Variants in LINGO2 observed in about 807,000 individuals in gnomAD.
The protein encoded by LINGO2 is leucine rich repeat and Ig domain containing 2, also known as leucine-rich repeat and immunoglobulin-like domain-containing nogo receptor-interacting protein 2.
Under a neutral mutation model 30.6 loss-of-function variants are expected in LINGO2, and 14 were observed. The ratio of observed to expected loss-of-function variants is 0.46; its 90% CI spans 0.30 to 0.72. The LOEUF is 0.72. LINGO2 is among the 30% of genes least tolerant of loss of function. The pLI, the probability that LINGO2 is intolerant of heterozygous loss-of-function variation, is 0.07. For missense variants in LINGO2, 729 were observed against 751.7 expected, an observed-to-expected ratio of 0.97 and a Z score of 0.35; for synonymous variants, 317 against 288.5, an observed-to-expected ratio of 1.10 and a Z score of -1.00.
the LINGO2 span, among the ~76,000 whole-genome samples, chr9:29,193,870 G>A: frequency 2.6e-5 from 4 of 152,308 alleles, no homozygotes; most frequent in South Asian, 8.3e-4. Flanking sequence ...ATGCACCCAT[G>A]CATCCACTGA....
chr9:28,367,462 A>T (rs1289346872), intron 3 of LINGO2, among the ~76,000 whole-genome samples: 4 of 151,758 alleles, frequency 2.6e-5, no homozygotes, highest in African/African-American at 7.3e-5. Context: ...AACTTCACTG[A>T]TAACCTGGGA....
the LINGO2 span, among the ~76,000 whole-genome samples, chr9:28,947,642 T>A: frequency 2.0e-5 from 3 of 149,846 alleles, no homozygotes; most frequent in African/African-American, 7.3e-5. Context: ...CAAAATTCCA[T>A]ATTTTTTATG....
At chr9:28,185,995 G>C (rs1376566622) in intron 4 of LINGO2, among the ~76,000 whole-genome samples, 1 of 152,118 alleles carries the variant, frequency 6.6e-6, no homozygotes, top group African/African-American at 2.4e-5. Context: ...CCCGAGAACA[G>C]AGGCTTATTA....
At chr9:29,048,229 T>C in the LINGO2 span, among the ~76,000 whole-genome samples, 3 of 151,602 alleles carry the variant, frequency 2.0e-5, no homozygotes, top group African/African-American at 7.3e-5. Context: ...TAGCCACACA[T>C]AAAATTAAAT....
chr9:28,090,826 G>T lies in LINGO2; in HGVS notation c.-86-78421C>A, dbSNP rs1182968695. 3.3e-5 allele frequency among the ~76,000 whole-genome samples: 5 copies of T among 152,194 alleles called. No homozygotes were observed. In the East Asian group the frequency reaches 9.6e-4, roughly 29 times the overall value. On this transcript the variant is annotated intron_variant, in intron 4 of 5. Transcript: ENST00000379992. ...TATATCAGAAAACCCCATCGTCTTA[G>T]CTCAAAATCTTGTTAAGTTGATAGG...
chr9:29,165,194 A>G, the LINGO2 span, among the ~76,000 whole-genome samples: 1 of 152,170 alleles, frequency 6.6e-6, no homozygotes, highest in Non-Finnish European at 1.5e-5. Context: ...CATCTGTATC[A>G]ATAGACATCA....
At chr9:28,647,746 A>G (rs1827902828) in intron 1 of LINGO2, among the ~76,000 whole-genome samples, 1 of 152,040 alleles carries the variant, frequency 6.6e-6, no homozygotes, top group Non-Finnish European at 1.5e-5. Context: ...TGCTTCTCCT[A>G]ACTTCACAAT....
At chr9:28,943,965 C>T in the LINGO2 span, among the ~76,000 whole-genome samples, 4 of 152,174 alleles carry the variant, frequency 2.6e-5, no homozygotes, top group African/African-American at 4.8e-5. Flanking sequence ...TGCATGAGTT[C>T]ATTAGGACAT....
At chr9:29,010,542 C>T in the LINGO2 span, among the ~76,000 whole-genome samples, 1 of 152,144 alleles carries the variant, frequency 6.6e-6, no homozygotes, top group African/African-American at 2.4e-5. Context: ...TTCTTAAATG[C>T]ACATGTATTC....
chr9:28,595,998 C>G (rs182670666), intron 1 of LINGO2, among the ~76,000 whole-genome samples: 49 of 152,202 alleles, frequency 3.2e-4, no homozygotes, highest in Admixed American at 9.8e-4. Flanking sequence ...TGCACAAATG[C>G]ACACTGTGAA....
At chr9:28,848,770 C>T in the LINGO2 span, among the ~76,000 whole-genome samples, 1 of 151,680 alleles carries the variant, frequency 6.6e-6, no homozygotes. Flanking sequence ...ATTTTTATCT[C>T]AATATTGTAA....
intron 1 of LINGO2, among the ~76,000 whole-genome samples, chr9:28,519,548 T>C (rs1820752885): frequency 1.3e-5 from 2 of 152,222 alleles, no homozygotes; most frequent in South Asian, 2.1e-4. Flanking sequence ...TGTACTGTGG[T>C]TGCTACCATC....
intron 3 of LINGO2, among the ~76,000 whole-genome samples, chr9:28,299,513 C>T (rs556499692): frequency 6.6e-6 from 1 of 151,972 alleles, no homozygotes; most frequent in South Asian, 2.1e-4. Flanking sequence ...AGGCAGAGGT[C>T]ATTAACAACT....
chr9:28,844,419 A>G, the LINGO2 span, among the ~76,000 whole-genome samples: 83 of 152,042 alleles, frequency 5.5e-4, 1 homozygote, highest in African/African-American at 1.9e-3. Context: ...GATGTAATCC[A>G]ATATGAGCAC....
intron 4 of LINGO2, among the ~76,000 whole-genome samples, chr9:28,119,883 T>C (rs1243475885): frequency 6.6e-6 from 1 of 152,182 alleles, no homozygotes; most frequent in African/African-American, 2.4e-5. Flanking sequence ...AGATTTCAAG[T>C]CAAATTTGAA....
At chr9:28,200,512 A>T (rs962692135) in intron 4 of LINGO2, among the ~76,000 whole-genome samples, 1 of 152,214 alleles carries the variant, frequency 6.6e-6, no homozygotes, top group Non-Finnish European at 1.5e-5. Flanking sequence ...GGAAAAAAAA[A>T]AATAACCATT....
the LINGO2 span, among the ~76,000 whole-genome samples, chr9:28,852,679 T>C: frequency 3.3e-5 from 5 of 152,010 alleles, no homozygotes; most frequent in Non-Finnish European, 5.9e-5. Context: ...TTTTCTAGAA[T>C]AGTATGGCTT....
At chr9:27,973,704 A>C (rs1820460376) in intron 5 of LINGO2, among the ~76,000 whole-genome samples, 1 of 152,154 alleles carries the variant, frequency 6.6e-6, no homozygotes, top group Non-Finnish European at 1.5e-5. Context: ...TTTCCTGTGG[A>C]AAGAGTACCT....
At chr9:28,550,110 A>T (rs985283510) in intron 1 of LINGO2, among the ~76,000 whole-genome samples, 1 of 151,898 alleles carries the variant, frequency 6.6e-6, no homozygotes, top group Non-Finnish European at 1.5e-5. Context: ...ATTCCTATTT[A>T]TCCCTCTCAG....
Sources: allele counts gnomAD v4.1 joint callset (sites outside exome capture counted in the v4.1 genomes callset), GRCh38; gene constraint gnomAD v4.1.1; transcripts MANE v1.5; gene names NCBI Gene and HGNC (gene_info 2026-07-23, HGNC 2026-07-21).